The following SAMD5 variants were observed in gnomAD, a reference collection of about 807,000 sequenced individuals.
SAMD5 encodes sterile alpha motif domain containing 5.
Under a neutral mutation model 11.3 loss-of-function variants are expected in SAMD5, and 13 were observed. The observed-to-expected ratio is 1.15, with a 90% CI of 0.75 to 1.83. The LOEUF (loss-of-function observed/expected upper bound fraction) is 1.83. Among genes scored for constraint, SAMD5 ranks in the 40% most tolerant of loss-of-function variants. The probability of loss-of-function intolerance (pLI) is 0.00; values close to 1 mark genes in which losing one functional copy is unlikely to be tolerated. For synonymous variants in SAMD5, 129 were observed against 111.3 expected (o/e 1.16, Z -1.00); for missense variants, 255 against 239.1 (o/e 1.07, Z -0.44).
the SAMD5 span, among the ~76,000 whole-genome samples, chr6:147,858,716 C>G: frequency 6.6e-6 from 1 of 152,194 alleles, no homozygotes; most frequent in Non-Finnish European, 1.5e-5. Context: ...TAAGTGAGAA[C>G]TCTACTCGTT....
chr6:147,572,733 G>A (rs1789155435), downstream of SAMD5, among the ~76,000 whole-genome samples: 1 of 152,140 alleles, frequency 6.6e-6, no homozygotes, highest in African/African-American at 2.4e-5. Context: ...TATAGTTAAT[G>A]TACTTAATCA....
the SAMD5 span, among the ~76,000 whole-genome samples, chr6:147,823,175 T>A: frequency 6.6e-6 from 1 of 152,204 alleles, no homozygotes; most frequent in African/African-American, 2.4e-5. Flanking sequence ...TTATTTATAT[T>A]TTGCTATTTT....
At chr6:147,618,432 G>C (rs1409628140) in intron 1 of SAMD5, among the ~76,000 whole-genome samples, 1 of 152,228 alleles carries the variant, frequency 6.6e-6, no homozygotes, top group Non-Finnish European at 1.5e-5. Context: ...AGATTGGGAG[G>C]AAGGTGGGGC....
intron 1 of SAMD5, among the ~76,000 whole-genome samples, chr6:147,630,166 C>G: frequency 6.6e-6 from 1 of 152,046 alleles, no homozygotes; most frequent in East Asian, 1.9e-4. Flanking sequence ...TCAGGCTGGT[C>G]TTGAACTCCC....
At chr6:147,579,699 C>T (rs1236474131) in intron 1 of SAMD5, among the ~76,000 whole-genome samples, 3 of 152,056 alleles carry the variant, frequency 2.0e-5, no homozygotes, top group Non-Finnish European at 4.4e-5. Flanking sequence ...TCAGGTGATC[C>T]ACCTGCCTCG....
intron 1 of SAMD5, among the ~76,000 whole-genome samples, chr6:147,587,316 C>A (rs1260838456): frequency 1.3e-5 from 2 of 152,116 alleles, no homozygotes; most frequent in East Asian, 1.9e-4. Context: ...CTGCTCACTG[C>A]AACCTCTGTC....
At chr6:147,739,713 A>C (rs1325997225), downstream of SAMD5, among the ~76,000 whole-genome samples, 1 of 152,220 alleles carries the variant, frequency 6.6e-6, no homozygotes, top group Non-Finnish European at 1.5e-5. Context: ...AAATAGATGC[A>C]AAGTCATTTT....
At chr6:147,838,696 A>G in the SAMD5 span, among the ~76,000 whole-genome samples, 2 of 152,176 alleles carry the variant, frequency 1.3e-5, no homozygotes, top group African/African-American at 4.8e-5. Flanking sequence ...GAGTTGACAC[A>G]TCCCAGGGAC....
intron 1 of SAMD5, among the ~76,000 whole-genome samples, chr6:147,675,045 G>C (rs1455192110): frequency 2.6e-5 from 4 of 152,162 alleles, no homozygotes; most frequent in Non-Finnish European, 5.9e-5. Context: ...TCAGTATGGT[G>C]ATCTGGCCAG....
chr6:147,883,326 T>A, the SAMD5 span, among the ~76,000 whole-genome samples: 1 of 152,324 alleles, frequency 6.6e-6, no homozygotes, highest in Non-Finnish European at 1.5e-5. Context: ...TAATTTTATT[T>A]CAGAGTTGCC....
At chr6:147,515,282 G>C (rs1043439220) in intron 1 of SAMD5, among the ~76,000 whole-genome samples, 6 of 149,052 alleles carry the variant, frequency 4.0e-5, no homozygotes, top group African/African-American at 1.0e-4. Flanking sequence ...ATGGTGTGGG[G>C]ACTTCTGCCT....
chr6:147,547,533 C>T (rs578216154), intron 1 of SAMD5, among the ~76,000 whole-genome samples: 3 of 152,224 alleles, frequency 2.0e-5, no homozygotes, highest in Non-Finnish European at 4.4e-5. Flanking sequence ...CTTCCATCTT[C>T]AAACCAGCAA....
chr6:147,525,425 T>C (rs1043905978), intron 1 of SAMD5, among the ~76,000 whole-genome samples: 4 of 150,538 alleles, frequency 2.7e-5, no homozygotes, highest in African/African-American at 9.8e-5. Context: ...GAAAAGTCCA[T>C]AGAACACTAA....
chr6:147,896,738 C>CAAAAAAAAAA, the SAMD5 span, among the ~76,000 whole-genome samples: 4 of 55,322 alleles, frequency 7.2e-5, no homozygotes, highest in Non-Finnish European at 1.4e-4. Context: ...GAACATTAAC[C>CAAAAAAAAAA]AAAAAAAAAA....
intron 1 of SAMD5, among the ~76,000 whole-genome samples, chr6:147,590,505 CG>C (rs1562328064): frequency 6.6e-6 from 1 of 152,116 alleles, no homozygotes; most frequent in African/African-American, 2.4e-5. Flanking sequence ...CTCCGTCTCC[CG>C]GGCTCAAGCA....
intron 1 of SAMD5, among the ~76,000 whole-genome samples, chr6:147,659,189 T>A (rs1419824119): frequency 6.6e-6 from 1 of 152,188 alleles, no homozygotes; most frequent in Admixed American, 6.5e-5. Context: ...AATAGGTTAA[T>A]AGGTATTCTT....
chr6:147,705,461 A>G (rs181713679), intron 1 of SAMD5, among the ~76,000 whole-genome samples: 9 of 152,290 alleles, frequency 5.9e-5, no homozygotes, highest in Admixed American at 5.9e-4. Context: ...ATTTTATGCT[A>G]TCATATTATT....
At chr6:147,755,357 A>G in the SAMD5 span, among the ~76,000 whole-genome samples, 1 of 151,950 alleles carries the variant, frequency 6.6e-6, no homozygotes, top group East Asian at 1.9e-4. Flanking sequence ...CTTTTTTAGT[A>G]CAGTATTTTT....
rs143469422 is a variant in SAMD5 at position 147,591,327 on chromosome 6, C to A, written c.162+81940C>A. Among the ~76,000 whole-genome samples the A allele has an allele frequency of 8.8e-3, 1,346 of 152,274 alleles. 14 individuals are homozygous for A. Among genetic ancestry groups the A allele is most frequent in the Middle Eastern group, 0.024 (7 of 294 alleles). Reference sequence around the variant, plus strand: ...AGTGGCATATAAAGCTGCTTCAGAGCGTGCACTACCTGATTGTCCTTGTAT... The same window carrying A: ...AGTGGCATATAAAGCTGCTTCAGAGAGTGCACTACCTGATTGTCCTTGTAT... On this transcript the variant is annotated intron_variant, in intron 1 of 1. Transcript: ENST00000566741.
Sources: allele counts gnomAD v4.1 joint callset (sites outside exome capture counted in the v4.1 genomes callset), GRCh38; gene constraint gnomAD v4.1.1; transcripts MANE v1.5; gene names NCBI Gene and HGNC (gene_info 2026-07-23, HGNC 2026-07-21).